The following GSE1 variants were observed in gnomAD, a reference collection of about 807,000 sequenced individuals.
GSE1 encodes the protein genetic suppressor element 1.
GSE1 carries 32 observed loss-of-function variants against 112.6 expected under a neutral mutation model. The ratio of observed to expected loss-of-function variants is 0.28; its 90% CI spans 0.21 to 0.38. GSE1 has a LOEUF of 0.38. Among genes scored for constraint, GSE1 ranks in the 10% least tolerant of loss-of-function variants. GSE1 has a pLI of 1.00. For synonymous variants in GSE1, 1,115 were observed against 735.6 expected, an observed-to-expected ratio of 1.52 and a Z score of -8.35; for missense variants, 2,348 against 1,699.2, an observed-to-expected ratio of 1.38 and a Z score of -6.71.
intron 2 of GSE1, among the ~76,000 whole-genome samples, chr16:85,450,237 G>C (rs550209127): frequency 7.0e-6 from 1 of 142,978 alleles, no homozygotes; most frequent in East Asian, 2.1e-4. Flanking sequence ...TTCTGCCTCA[G>C]CCTCCCAAGT....
At chr16:85,225,617 G>A (rs9928615) in intron 1 of GSE1, among the ~76,000 whole-genome samples, 74,078 of 151,994 alleles carry the variant, frequency 0.49, 18,363 homozygotes, top group African/African-American at 0.56. Flanking sequence ...TAGGGAATGC[G>A]TGGAGCCCCA....
At chr16:85,310,189 G>A (rs1248685495) in intron 1 of GSE1, among the ~76,000 whole-genome samples, 2 of 152,242 alleles carry the variant, frequency 1.3e-5, no homozygotes, top group Middle Eastern at 6.8e-3. Flanking sequence ...GCGCCCCCAC[G>A]CCCTGACCCA....
chr16:85,341,207 T>C (rs2046617368), intron 1 of GSE1, among the ~76,000 whole-genome samples: 1 of 152,070 alleles, frequency 6.6e-6, no homozygotes, highest in Non-Finnish European at 1.5e-5. Context: ...ACTTTTTTTT[T>C]TTAAATAAAC....
intron 2 of GSE1, among the ~76,000 whole-genome samples, chr16:85,542,475 C>T (rs2044554734): frequency 6.6e-6 from 1 of 152,246 alleles, no homozygotes; most frequent in Non-Finnish European, 1.5e-5. Context: ...TAAGCCTCCG[C>T]TGTGCAGAAC....
chr16:85,641,685 A>C (rs2050461688), intron 2 of GSE1, among the ~76,000 whole-genome samples: 1 of 152,254 alleles, frequency 6.6e-6, no homozygotes, highest in Non-Finnish European at 1.5e-5. Context: ...TTCACCTTCC[A>C]GACCCGCACC....
chr16:85,263,337 T>TCAGAGGCCCC (rs1256254675), intron 1 of GSE1, among the ~76,000 whole-genome samples: 1 of 152,062 alleles, frequency 6.6e-6, no homozygotes, highest in Non-Finnish European at 1.5e-5. Flanking sequence ...GGAGTGTGCA[T>TCAGAGGCCCC]CAGAGGCCCC....
At chr16:85,487,396 C>G (rs1392381815) in intron 2 of GSE1, among the ~76,000 whole-genome samples, 1 of 152,162 alleles carries the variant, frequency 6.6e-6, no homozygotes, top group Non-Finnish European at 1.5e-5. Context: ...CTGGCTGTGA[C>G]AGGCATGTCG....
chr16:85,532,705 C>T (rs555591708), intron 2 of GSE1, among the ~76,000 whole-genome samples: 1 of 152,244 alleles, frequency 6.6e-6, no homozygotes. Flanking sequence ...GGGTGGAAGG[C>T]AGGATGGGCC....
At chr16:85,502,429 T>G (rs975789240) in intron 2 of GSE1, among the ~76,000 whole-genome samples, 1 of 152,096 alleles carries the variant, frequency 6.6e-6, no homozygotes, top group Non-Finnish European at 1.5e-5. Flanking sequence ...CTCCTCCCAT[T>G]TTACCAATGG....
Position 85,508,836 on chromosome 16 carries a change from T to C in GSE1, c.2465-125078T>C, listed in dbSNP as rs112151515. 9.1e-3 allele frequency among the ~76,000 whole-genome samples: 1,391 copies of C among 152,318 alleles called. 23 individuals carry two copies. The highest frequency in any genetic ancestry group is 0.032 in the African/African-American group (1,333 of 41,554). Reference sequence around the variant, plus strand: ...CATCCAGGAGAAAGGTTCGTAACTGTGTGCCCAGCCTGGTGTCAGGTCCTG... The same window carrying C: ...CATCCAGGAGAAAGGTTCGTAACTGCGTGCCCAGCCTGGTGTCAGGTCCTG... On this transcript the variant is annotated intron_variant, in intron 2 of 2. Transcript: ENST00000637419.
chr16:85,337,220 G>A (rs2046509741), intron 1 of GSE1, among the ~76,000 whole-genome samples: 1 of 152,014 alleles, frequency 6.6e-6, no homozygotes, highest in African/African-American at 2.4e-5. Context: ...CTACCCTTTG[G>A]GCCTAGGCAG....
chr16:85,262,208 A>G (rs1456386978), intron 1 of GSE1, among the ~76,000 whole-genome samples: 1 of 152,186 alleles, frequency 6.6e-6, no homozygotes, highest in Non-Finnish European at 1.5e-5. Flanking sequence ...AATGGTTTTA[A>G]TTTATCCCCC....
intron 2 of GSE1, among the ~76,000 whole-genome samples, chr16:85,396,586 G>C (rs2047971162): frequency 6.6e-6 from 1 of 152,250 alleles, no homozygotes; most frequent in South Asian, 2.1e-4. Context: ...CCATGGAGGA[G>C]AGCAGTTGGC....
At chr16:85,199,845 G>T (rs1467741800) in intron 1 of GSE1, among the ~76,000 whole-genome samples, 1 of 152,088 alleles carries the variant, frequency 6.6e-6, no homozygotes, top group Non-Finnish European at 1.5e-5. Flanking sequence ...GCTTCCAGAG[G>T]CTGGTGGCTG....
At position 85,350,000 on chromosome 16, in the gene GSE1, C is replaced by T. The variant is rs184844115; in HGVS notation, c.2284-7463C>T. Among the ~76,000 whole-genome samples the T allele has an allele frequency of 1.4e-4, 22 of 152,336 alleles. 1 individual carries two copies. Among genetic ancestry groups the T allele is most frequent in the Middle Eastern group, 3.4e-3 (1 of 294 alleles). ...CTAGGTACTTGACAGAGGACACATG[C>T]TGGCCTGCATTCTCGGCTCTCACTG... On this transcript the variant is annotated intron_variant, in intron 1 of 2. Transcript: ENST00000637419.
chr16:85,192,741 T>C (rs1434407874), intron 1 of GSE1, among the ~76,000 whole-genome samples: 1 of 152,168 alleles, frequency 6.6e-6, no homozygotes, highest in Non-Finnish European at 1.5e-5. Flanking sequence ...AGGAGGGGGA[T>C]ATTCTCTTTG....
intron 1 of GSE1, among the ~76,000 whole-genome samples, chr16:85,331,468 TA>T (rs889324350): frequency 5.7e-5 from 8 of 139,554 alleles, no homozygotes; most frequent in Non-Finnish European, 1.1e-4. Context: ...TATGTGTGTA[TA>T]TATGTATATA....
chr16:85,215,867 T>G (rs1359002111), intron 1 of GSE1, among the ~76,000 whole-genome samples: 9 of 152,194 alleles, frequency 5.9e-5, no homozygotes, highest in African/African-American at 2.2e-4. Flanking sequence ...GGTTGCTGCT[T>G]CTGTTGCAGA....
At chr16:85,594,732 T>A (rs1274477417) in intron 1 of GSE1, 2 of 152,228 alleles carry the variant, frequency 1.3e-5, no homozygotes, top group Non-Finnish European at 2.9e-5. Context: ...ATTAGGAGGA[T>A]CAAAGGACAG....
Sources: allele counts gnomAD v4.1 joint callset (sites outside exome capture counted in the v4.1 genomes callset), GRCh38; gene constraint gnomAD v4.1.1; transcripts MANE v1.5; gene names NCBI Gene and HGNC (gene_info 2026-07-23, HGNC 2026-07-21).